The following SCN2A variants were observed in gnomAD, a reference collection of about 807,000 sequenced individuals.
The protein encoded by SCN2A is sodium voltage-gated channel alpha subunit 2, also known as sodium channel protein type 2 subunit alpha.
SCN2A carries 20 observed loss-of-function variants against 188.7 expected under a neutral mutation model. That is an observed-to-expected ratio of 0.11 (90% confidence interval 0.07 to 0.15). The LOEUF is 0.15. SCN2A is among the 10% of genes least tolerant of loss of function. The pLI, the probability that SCN2A is intolerant of heterozygous loss-of-function variation, is 1.00. For missense variants in SCN2A, 1,278 were observed against 2,445.0 expected (o/e 0.52, Z 10.07); for synonymous variants, 804 against 833.1 (o/e 0.97, Z 0.60).
chr2:165,321,375 A>G (rs1698068048), intron 11 of SCN2A, among the ~76,000 whole-genome samples: 1 of 152,112 alleles, frequency 6.6e-6, no homozygotes. Context: ...AAACTGTTCC[A>G]TCCTCTGCCT....
chr2:165,367,460 A>G (rs1574698171), intron 19 of SCN2A, 89 bp downstream of exon 19: 1 of 1,394,898 alleles, frequency 7.2e-7, no homozygotes, highest in Non-Finnish European at 1.0e-6. Context: ...CTTTTAAATT[A>G]AGGTGTTTGT....
chr2:165,356,553 A>G (rs1230888278), intron 17 of SCN2A, among the ~76,000 whole-genome samples: 1 of 152,146 alleles, frequency 6.6e-6, no homozygotes, highest in African/African-American at 2.4e-5. Flanking sequence ...CCCTAATAGT[A>G]AAAAAAGTCA....
At chr2:165,305,100 A>G (rs971586761) in intron 3 of SCN2A, among the ~76,000 whole-genome samples, 3 of 152,232 alleles carry the variant, frequency 2.0e-5, no homozygotes, top group Non-Finnish European at 4.4e-5. Flanking sequence ...AACTGAATCC[A>G]GAGATAGCAG....
intron 11 of SCN2A, among the ~76,000 whole-genome samples, chr2:165,320,741 G>A (rs1335940431): frequency 6.6e-6 from 1 of 152,220 alleles, no homozygotes; most frequent in South Asian, 2.1e-4. Flanking sequence ...GAGCCGCAGA[G>A]ATACAGGGCA....
rs1699180347 is a variant in SCN2A at position 165,339,237 on chromosome 2, A to C, written c.2389-3059A>C. Among the ~76,000 whole-genome samples the C allele has an allele frequency of 2.6e-5, 4 of 151,896 alleles. No individual in the cohort carries two copies. In the South Asian group the frequency reaches 8.3e-4, roughly 31 times the overall value. ...GAGTGAAACTCTGTCTCAAAAAAAA[A>C]AAAAGAAAAAGAAAGAAAACCCTAC... On this transcript the variant is annotated intron_variant, in intron 14 of 26. Transcript: ENST00000375437.
At chr2:165,253,710 A>C (rs949328096) in intron 1 of SCN2A, among the ~76,000 whole-genome samples, 3 of 152,042 alleles carry the variant, frequency 2.0e-5, no homozygotes, top group Admixed American at 2.0e-4. Context: ...ATTACACTAC[A>C]ATGATCAAGT....
intron 14 of SCN2A, among the ~76,000 whole-genome samples, chr2:165,334,457 T>A (rs55881598): frequency 0.2 from 29,723 of 151,674 alleles, 3,423 homozygotes; most frequent in African/African-American, 0.32. Flanking sequence ...GTGAAATTTA[T>A]CCCAGTGATG....
At chr2:165,372,953 G>T in intron 20 of SCN2A, 2 of 260,332 alleles carry the variant, frequency 7.7e-6, no homozygotes, top group Non-Finnish European at 1.5e-5. Flanking sequence ...CAAGAATCTT[G>T]AAAAAGAGCA....
At chr2:165,306,401 G>A (rs1009183474) in intron 3 of SCN2A, among the ~76,000 whole-genome samples, 1 of 151,946 alleles carries the variant, frequency 6.6e-6, no homozygotes. Context: ...AAGCACAGGG[G>A]ACCCTCTAGT....
intron 3 of SCN2A, among the ~76,000 whole-genome samples, chr2:165,299,842 T>G (rs1696708907): frequency 6.6e-6 from 1 of 152,232 alleles, no homozygotes; most frequent in Non-Finnish European, 1.5e-5. Flanking sequence ...ACCACTAGTT[T>G]ATAAACCAAC....
intron 16 of SCN2A, 64 bp from the exon 17 acceptor site, chr2:165,354,128 A>G (rs1051027830): frequency 6.2e-7 from 1 of 1,602,090 alleles, no homozygotes; most frequent in Non-Finnish European, 8.5e-7. Context: ...TTAGAAAACT[A>G]ATGATGGAAA....
intron 21 of SCN2A, 86 bp downstream of exon 21, chr2:165,373,433 G>T: frequency 2.7e-6 from 4 of 1,473,312 alleles, no homozygotes; most frequent in Admixed American, 1.7e-5. Context: ...AATTTATGGA[G>T]AATTTGTGTC....
chr2:165,376,260 A>G (rs1007349353), intron 22 of SCN2A, among the ~76,000 whole-genome samples: 2 of 151,916 alleles, frequency 1.3e-5, no homozygotes, highest in African/African-American at 4.8e-5. Context: ...TAGCCATTTC[A>G]CAATATATAT....
chr2:165,352,234 AT>A (rs1699958711), intron 16 of SCN2A, among the ~76,000 whole-genome samples: 1 of 152,154 alleles, frequency 6.6e-6, no homozygotes, highest in Admixed American at 6.5e-5. Flanking sequence ...ACAATAAAAC[AT>A]AATTTTATTG....
At chr2:165,341,689 C>G (rs1699330459) in intron 14 of SCN2A, among the ~76,000 whole-genome samples, 1 of 152,192 alleles carries the variant, frequency 6.6e-6, no homozygotes, top group South Asian at 2.1e-4. Context: ...AGTACTGAGA[C>G]TGTGCTTCTC....
chr2:165,246,269 C>T (rs1000529005), intron 1 of SCN2A, among the ~76,000 whole-genome samples: 1 of 152,144 alleles, frequency 6.6e-6, no homozygotes, highest in Non-Finnish European at 1.5e-5. Flanking sequence ...GCACTTTATA[C>T]CCAAATCTTG....
intron 17 of SCN2A, among the ~76,000 whole-genome samples, chr2:165,361,312 A>G (rs1700449867): frequency 6.6e-6 from 1 of 152,016 alleles, no homozygotes; most frequent in South Asian, 2.1e-4. Context: ...TTAATACTAA[A>G]GTTCATGGTT....
At chr2:165,313,003 A>C (rs1411153190) in intron 8 of SCN2A, among the ~76,000 whole-genome samples, 1 of 152,138 alleles carries the variant, frequency 6.6e-6, no homozygotes, top group Non-Finnish European at 1.5e-5. Flanking sequence ...CGTTACATAC[A>C]GTATCTTCTT....
rs557558749 is a variant in SCN2A at position 165,345,102 on chromosome 2, C to T, written c.2919+191C>T. 2.6e-5 allele frequency among the ~76,000 whole-genome samples: 4 copies of T among 152,212 alleles called. 1 individual carries two copies. The highest frequency in any genetic ancestry group is 2.6e-4 in the Admixed American group (4 of 15,274). ...ACAAACCCTTAAACTACCTTTTGAA[C>T]CAAAGTTATTCTTTCTTTCATTATC... On this transcript the variant is annotated intron_variant, in intron 16 of 26. Transcript: ENST00000375437.
Sources: gnomAD v4.1 joint callset for allele counts (sites outside exome capture counted in the v4.1 genomes callset) on GRCh38, gnomAD v4.1.1 for gene constraint, MANE v1.5 for transcripts, NCBI Gene and HGNC (gene_info 2026-07-23, HGNC 2026-07-21) for gene names.